The following RBFOX3 variants were observed in gnomAD, a reference collection of about 807,000 sequenced individuals.
The protein encoded by RBFOX3 is RNA binding fox-1 homolog 3.
A neutral mutation model predicts 48.7 loss-of-function variants in RBFOX3; 17 were observed. The observed-to-expected ratio is 0.35, with a 90% CI of 0.24 to 0.52. The LOEUF (loss-of-function observed/expected upper bound fraction) is 0.52, where lower values mean the gene tolerates loss of function less well. Ranked by LOEUF, RBFOX3 falls within the 20% of genes least tolerant of loss-of-function variation. RBFOX3 has a pLI of 0.94. For synonymous variants in RBFOX3, 212 were observed against 209.5 expected, an observed-to-expected ratio of 1.01 and a Z score of -0.10; for missense variants, 382 against 497.5, an observed-to-expected ratio of 0.77 and a Z score of 2.21.
At chr17:79,373,195 T>G (rs897583653) in intron 2 of RBFOX3, among the ~76,000 whole-genome samples, 1 of 152,098 alleles carries the variant, frequency 6.6e-6, no homozygotes, top group African/African-American at 2.4e-5. Context: ...GGCCCAGGCC[T>G]CAGGTCCATG....
intron 2 of RBFOX3, among the ~76,000 whole-genome samples, chr17:79,357,498 G>A (rs1187986827): frequency 6.6e-6 from 1 of 152,138 alleles, no homozygotes; most frequent in Non-Finnish European, 1.5e-5. Flanking sequence ...GGGTGTGGTG[G>A]CGCACGCCTG....
chr17:79,379,162 G>A lies in RBFOX3; in HGVS notation c.-174-71338C>T, dbSNP rs562736203. On this transcript the variant is annotated intron_variant, in intron 2 of 14. Coordinates refer to ENST00000693108, the MANE Select transcript of RBFOX3 (RefSeq NM_001350451.2). ...CAGGAGGGCAACCGTCCCATGGCAC[G>A]CGTCGGGGTGAGCCAGCCATGCGCT... is the stretch of plus-strand genomic sequence containing the variant. 1.3e-4 allele frequency among the ~76,000 whole-genome samples: 20 copies of A among 152,328 alleles called. No homozygotes were observed. The South Asian group carries it at 3.9e-3, about 30-fold the overall frequency.
intron 14 of RBFOX3, among the ~76,000 whole-genome samples, chr17:79,094,064 G>A (rs947800305): frequency 1.3e-5 from 2 of 152,184 alleles, no homozygotes; most frequent in African/African-American, 2.4e-5. Flanking sequence ...AAACAGCCCC[G>A]GGGCCTTGGG....
chr17:79,648,625 G>T, the RBFOX3 span, among the ~76,000 whole-genome samples: 1 of 152,008 alleles, frequency 6.6e-6, no homozygotes, highest in South Asian at 2.1e-4. Context: ...CGTTGGGGCC[G>T]ATGGGGGCAT....
intron 1 of RBFOX3, among the ~76,000 whole-genome samples, chr17:79,546,603 C>A (rs565410389): frequency 6.6e-6 from 1 of 152,154 alleles, no homozygotes; most frequent in Non-Finnish European, 1.5e-5. Context: ...GCACCAGAAG[C>A]AGCACATGGC....
intron 4 of RBFOX3, among the ~76,000 whole-genome samples, chr17:79,203,371 G>A (rs1211646263): frequency 2.7e-5 from 1 of 36,464 alleles, no homozygotes; most frequent in Non-Finnish European, 4.8e-5. Flanking sequence ...GCGAAGGGGC[G>A]TGTAAGGACT....
At chr17:79,119,257 C>T (rs1312941566) in intron 4 of RBFOX3, among the ~76,000 whole-genome samples, 1 of 152,180 alleles carries the variant, frequency 6.6e-6, no homozygotes, top group Non-Finnish European at 1.5e-5. Context: ...GCAAGAGGTC[C>T]CTAGCAGATG....
intron 4 of RBFOX3, among the ~76,000 whole-genome samples, chr17:79,128,169 C>G (rs991848258): frequency 1.3e-5 from 2 of 152,204 alleles, no homozygotes; most frequent in African/African-American, 4.8e-5. Context: ...AGGGGTCCCC[C>G]ACTTGGCCTC....
intron 1 of RBFOX3, among the ~76,000 whole-genome samples, chr17:79,500,250 CTTTTTTTTT>C (rs1222646327): frequency 9.6e-6 from 1 of 104,244 alleles, no homozygotes; most frequent in Non-Finnish European, 1.9e-5. Flanking sequence ...AGAGAAATGA[CTTTTTTTTT>C]TTTTTTTTTT....
Position 79,373,506 on chromosome 17 carries a change from G to A in RBFOX3, c.-174-65682C>T, listed in dbSNP as rs549184436. Among the ~76,000 whole-genome samples the A allele has an allele frequency of 3.9e-5, 6 of 152,248 alleles. No homozygotes were observed. In the East Asian group the frequency reaches 1.2e-3, roughly 30 times the overall value. On this transcript the variant is annotated intron_variant, in intron 2 of 14. Transcript: ENST00000693108. ...AAATCCTTTCTCCAAAGTGCTCTGTGAAATGGGTCAGAGGGGCCAGACGGG... is the reference window on the plus strand; with the variant it reads ...AAATCCTTTCTCCAAAGTGCTCTGTAAAATGGGTCAGAGGGGCCAGACGGG...
intron 1 of RBFOX3, among the ~76,000 whole-genome samples, chr17:79,505,874 A>T (rs1305182210): frequency 5.3e-5 from 8 of 152,308 alleles, no homozygotes; most frequent in South Asian, 2.1e-4. Flanking sequence ...ATTTCACTGA[A>T]TCCAGGCAAC....
intron 4 of RBFOX3, among the ~76,000 whole-genome samples, chr17:79,140,095 T>C (rs2041613519): frequency 6.6e-6 from 1 of 152,170 alleles, no homozygotes; most frequent in Non-Finnish European, 1.5e-5. Context: ...TCTCCATGGG[T>C]AGCTCTCCCG....
chr17:79,602,715 T>C (rs1301208304), intron 1 of RBFOX3, among the ~76,000 whole-genome samples: 4 of 152,070 alleles, frequency 2.6e-5, no homozygotes, highest in Non-Finnish European at 4.4e-5. Context: ...TTTTCATGGG[T>C]TGAGAACTGA....
intron 1 of RBFOX3, among the ~76,000 whole-genome samples, chr17:79,547,949 C>T (rs1555792459): frequency 6.6e-6 from 1 of 152,224 alleles, no homozygotes; most frequent in African/African-American, 2.4e-5. Context: ...GAGGCCCTGC[C>T]GAGGGCTGGC....
intron 1 of RBFOX3, among the ~76,000 whole-genome samples, chr17:79,556,343 G>C (rs1245757060): frequency 7.5e-6 from 1 of 132,532 alleles, no homozygotes; most frequent in African/African-American, 3.1e-5. Context: ...AGGCAAAATA[G>C]ACAGCAGTTC....
At position 79,101,692 on chromosome 17, in the gene RBFOX3, TG is replaced by T. The variant is rs1338909554; in HGVS notation, c.508-49del. The T allele has an allele frequency of 1.1e-5, 16 of 1,505,896 alleles. No homozygotes were observed. In the East Asian group the frequency reaches 2.7e-4, roughly 25 times the overall value. The allele number at this position is 1,505,896 out of a possible 1,614,324, so 93.3% of individuals were successfully genotyped here. A position where few individuals can be genotyped will look rare whatever the true frequency, so the allele number is the denominator to read the frequency against. ...AGAGGAAGAGGGAGGATTAGCCTCC[TG>T]GAAGACCCACTGGCCACTCCTCCCC... On this transcript the variant is annotated intron_variant, in intron 8 of 14. Coordinates refer to ENST00000693108, the MANE Select transcript of RBFOX3 (RefSeq NM_001350451.2).
intron 3 of RBFOX3, among the ~76,000 whole-genome samples, chr17:79,259,059 C>A (rs1426081493): frequency 6.6e-6 from 1 of 152,242 alleles, no homozygotes; most frequent in Non-Finnish European, 1.5e-5. Flanking sequence ...TGCTCAAAAC[C>A]AGAAATGTCA....
At chr17:79,623,067 C>T in the RBFOX3 span, among the ~76,000 whole-genome samples, 8 of 152,286 alleles carry the variant, frequency 5.3e-5, no homozygotes, top group East Asian at 7.7e-4. Context: ...GAGCCAGAAA[C>T]GTGCCCCAGC....
At chr17:79,528,326 G>A (rs926973658) in intron 1 of RBFOX3, among the ~76,000 whole-genome samples, 2 of 145,118 alleles carry the variant, frequency 1.4e-5, no homozygotes, top group East Asian at 4.0e-4. Flanking sequence ...GAAACCCTGA[G>A]GTACCTCTGA....
Sources: allele counts gnomAD v4.1 joint callset (sites outside exome capture counted in the v4.1 genomes callset), GRCh38; gene constraint gnomAD v4.1.1; transcripts MANE v1.5; gene names NCBI Gene and HGNC (gene_info 2026-07-23, HGNC 2026-07-21).